Variants in THAP5 observed in about 807,000 individuals in gnomAD.
The protein encoded by THAP5 is THAP domain-containing protein 5.
Under a neutral mutation model 34.0 loss-of-function variants are expected in THAP5, and 26 were observed. The ratio of observed to expected loss-of-function variants is 0.77; its 90% CI spans 0.56 to 1.06. The LOEUF (loss-of-function observed/expected upper bound fraction) is 1.06. Ranked by LOEUF, THAP5 falls within the 50% of genes least tolerant of loss-of-function variation. The pLI, the probability that THAP5 is intolerant of heterozygous loss-of-function variation, is 0.00. For missense variants in THAP5, 394 were observed against 452.8 expected (o/e 0.87, Z 1.18); for synonymous variants, 125 against 153.0 (o/e 0.82, Z 1.35).
the THAP5 span, among the ~76,000 whole-genome samples, chr7:108,546,183 G>C: frequency 2.0e-5 from 3 of 152,150 alleles, no homozygotes; most frequent in Non-Finnish European, 2.9e-5. Flanking sequence ...CTGTCAATCA[G>C]ATAAGGCCAC....
the THAP5 span, among the ~76,000 whole-genome samples, chr7:108,543,734 A>T: frequency 6.6e-6 from 1 of 152,238 alleles, no homozygotes; most frequent in African/African-American, 2.4e-5. Context: ...CTATGTGATC[A>T]GGATTTTCCT....
Position 108,564,153 on chromosome 7 carries a change from A to T in THAP5, c.*38T>A, listed in dbSNP as rs552067216. On this transcript the variant is annotated 3_prime_UTR_variant, in exon 3 of 3. Coordinates refer to ENST00000415914, the MANE Select transcript of THAP5 (RefSeq NM_001130475.3). ...CATGTAGTTTGGTTTGGCTGGAAAAAGCTTATTTAACAGCCATAGTTTTAA... is the reference window on the plus strand; with the variant it reads ...CATGTAGTTTGGTTTGGCTGGAAAATGCTTATTTAACAGCCATAGTTTTAA... 6.7e-7 allele frequency: 1 copy of T among 1,485,724 alleles called. No homozygotes were observed. The highest frequency in any genetic ancestry group is 9.0e-7 in the Non-Finnish European group (1 of 1,106,604). The allele number at this position is 1,485,724 out of a possible 1,614,324, so 92.0% of individuals were successfully genotyped here.
chr7:108,547,391 T>A, the THAP5 span, among the ~76,000 whole-genome samples: 1 of 152,220 alleles, frequency 6.6e-6, no homozygotes, highest in Non-Finnish European at 1.5e-5. Context: ...ACATCTTTAT[T>A]AATGGAAAAC....
chr7:108,555,464 G>A (rs959526646), intron 1 of THAP5, among the ~76,000 whole-genome samples: 6 of 151,938 alleles, frequency 3.9e-5, no homozygotes, highest in African/African-American at 1.5e-4. Flanking sequence ...CATTGTGCCC[G>A]GCCCCAAACA....
chr7:108,547,543 ATACT>A, the THAP5 span, among the ~76,000 whole-genome samples: 2 of 152,228 alleles, frequency 1.3e-5, no homozygotes, highest in South Asian at 2.1e-4. Context: ...ATCCAAAAGA[ATACT>A]TACTTAATCC....
the THAP5 span, among the ~76,000 whole-genome samples, chr7:108,547,613 C>T: frequency 6.6e-6 from 1 of 152,016 alleles, no homozygotes; most frequent in Admixed American, 6.6e-5. Context: ...AGTTATTTTC[C>T]CTAAAATTAT....
At chr7:108,552,688 T>G (rs1864361110), downstream of THAP5, among the ~76,000 whole-genome samples, 1 of 152,136 alleles carries the variant, frequency 6.6e-6, no homozygotes, top group Admixed American at 6.5e-5. Flanking sequence ...TAATCCCAGC[T>G]ACTCGGGAGG....
intron 1 of THAP5, 114 bp downstream of exon 1, chr7:108,569,376 C>T: frequency 6.6e-7 from 1 of 1,521,662 alleles, no homozygotes; most frequent in South Asian, 1.2e-5. Context: ...CGACGGGCCA[C>T]GTACGGAGAG....
rs552067216 is a variant in THAP5, at chr7:108,564,153, A to C, written c.*38T>G. 6.7e-7 allele frequency: 1 copy of C among 1,485,842 alleles called. No homozygotes were observed. Among genetic ancestry groups the C allele is most frequent in the Admixed American group, 2.3e-5 (1 of 44,154 alleles). The allele number at this position is 1,485,842 out of a possible 1,614,324, so 92.0% of individuals were successfully genotyped here. On this transcript the variant is annotated 3_prime_UTR_variant, in exon 3 of 3. Transcript: ENST00000415914. ...CATGTAGTTTGGTTTGGCTGGAAAA[A>C]GCTTATTTAACAGCCATAGTTTTAA...
rs1483270098 is a variant in THAP5, at chr7:108,562,560, C to G, written c.*1631G>C. The G allele has an allele frequency of 6.6e-6, 1 of 152,156 alleles. No homozygotes were observed. Among genetic ancestry groups the G allele is most frequent in the Non-Finnish European group, 1.5e-5 (1 of 68,026 alleles). 9.4% of individuals were successfully genotyped at this position (152,156 alleles called of 1,614,324 possible). ...ACTTTTATTGAGCACCTCCTATATT[C>G]CAGAACCAAAAACATGTTTGTTCCT... On this transcript the variant is annotated 3_prime_UTR_variant, in exon 3 of 3. Transcript: ENST00000415914.
the THAP5 span, among the ~76,000 whole-genome samples, chr7:108,543,530 T>C: frequency 6.6e-6 from 1 of 152,230 alleles, no homozygotes; most frequent in Non-Finnish European, 1.5e-5. Context: ...ATCACGATGG[T>C]ACTACAAACA....
downstream of THAP5, among the ~76,000 whole-genome samples, chr7:108,553,443 T>C (rs979930496): frequency 2.6e-5 from 4 of 152,224 alleles, no homozygotes; most frequent in African/African-American, 9.7e-5. Flanking sequence ...GCACTTCTAG[T>C]GCTCCCAACT....
downstream of THAP5, chr7:108,554,480 C>T (rs1286144334): frequency 6.6e-6 from 1 of 152,120 alleles, no homozygotes; most frequent in Non-Finnish European, 1.5e-5. Context: ...AGTGCAGACT[C>T]ATTTTAGGCA....
chr7:108,565,185 G>C (rs552854801), intron 2 of THAP5, 80 bp from the exon 3 acceptor site: 1 of 1,171,876 alleles, frequency 8.5e-7, no homozygotes, highest in Non-Finnish European at 1.2e-6. Flanking sequence ...TTATAATATT[G>C]AGTAGTACAC....
intron 1 of THAP5, among the ~76,000 whole-genome samples, chr7:108,568,872 G>C (rs1318198241): frequency 1.3e-5 from 2 of 152,146 alleles, no homozygotes; most frequent in African/African-American, 4.8e-5. Context: ...CTGTACTTCT[G>C]AATAAAAATC....
rs1790387792 is a variant in THAP5 at position 108,562,916 on chromosome 7, T to G, written c.*1275A>C. Reference sequence around the variant, plus strand: ...CTTGCTTATAAATTTTAATAAAATATACGTAAGTGGGAATGTACAGTATTA... The same window carrying G: ...CTTGCTTATAAATTTTAATAAAATAGACGTAAGTGGGAATGTACAGTATTA... On this transcript the variant is annotated 3_prime_UTR_variant, in exon 3 of 3. Transcript: ENST00000415914. 6.6e-6 allele frequency: 1 copy of G among 152,196 alleles called. No individual in the cohort carries two copies. The highest frequency in any genetic ancestry group is 2.4e-5 in the African/African-American group (1 of 41,460). 9.4% of individuals were successfully genotyped at this position (152,196 alleles called of 1,614,324 possible). A position where few individuals can be genotyped will look rare whatever the true frequency, so the allele number is the denominator to read the frequency against.
downstream of THAP5, among the ~76,000 whole-genome samples, chr7:108,552,942 A>G (rs1050121895): frequency 5.6e-4 from 85 of 152,336 alleles, no homozygotes; most frequent in African/African-American, 2.0e-3. Flanking sequence ...ATTATATTCT[A>G]GCTTGTACAT....
Position 108,569,679 on chromosome 7 carries a change from G to A in THAP5, c.-110C>T, listed in dbSNP as rs779944249. 3 of 1,408,762 alleles carry A rather than the reference G, an allele frequency of 2.1e-6. No individual in the cohort carries two copies. Among genetic ancestry groups the A allele is most frequent in the Admixed American group, 2.2e-5 (1 of 45,956 alleles). 87.3% of individuals were successfully genotyped at this position (1,408,762 alleles called of 1,614,324 possible). On this transcript the variant is annotated 5_prime_UTR_variant, in exon 1 of 3. Transcript: ENST00000415914. ...CTCTCGAGCCCCTGCGCCTGCGCTAGCATTCTGCCGGGAAAGCCGCCTCGT... is the reference window on the plus strand; with the variant it reads ...CTCTCGAGCCCCTGCGCCTGCGCTAACATTCTGCCGGGAAAGCCGCCTCGT...
the THAP5 span, among the ~76,000 whole-genome samples, chr7:108,548,024 G>T: frequency 4.6e-5 from 7 of 152,124 alleles, no homozygotes; most frequent in Non-Finnish European, 7.4e-5. Context: ...AGCCTCCCAT[G>T]GTCCAGTCCC....
Sources: gnomAD v4.1 joint callset for allele counts (sites outside exome capture counted in the v4.1 genomes callset) on GRCh38, gnomAD v4.1.1 for gene constraint, MANE v1.5 for transcripts, NCBI Gene and HGNC (gene_info 2026-07-23, HGNC 2026-07-21) for gene names.